The following WFDC8 variants were observed in gnomAD, a reference collection of about 807,000 sequenced individuals.
WFDC8 encodes WAP four-disulfide core domain protein 8.
A neutral mutation model predicts 27.0 loss-of-function variants in WFDC8; 24 were observed. The observed-to-expected ratio is 0.89, with a 90% CI of 0.64 to 1.25. WFDC8 has a LOEUF of 1.25. Among genes scored for constraint, WFDC8 ranks in the 50% most tolerant of loss-of-function variants. The probability of loss-of-function intolerance (pLI) is 0.00; values close to 1 mark genes in which losing one functional copy is unlikely to be tolerated. For synonymous variants in WFDC8, 106 were observed against 99.7 expected (o/e 1.06, Z -0.38); for missense variants, 287 against 295.9 (o/e 0.97, Z 0.22).
intron 1 of WFDC8, among the ~76,000 whole-genome samples, chr20:45,565,004 A>C (rs1291676837): frequency 9.7e-6 from 1 of 102,796 alleles, no homozygotes; most frequent in Non-Finnish European, 2.3e-5. Flanking sequence ...AAAGGAAAGG[A>C]AGAAAGAAAG....
chr20:45,561,480 C>A (rs1211360007), intron 2 of WFDC8, among the ~76,000 whole-genome samples: 1 of 152,192 alleles, frequency 6.6e-6, no homozygotes, highest in Non-Finnish European at 1.5e-5. Context: ...ATCAACAGGT[C>A]CAGTTTGTTA....
At chr20:45,567,281 G>T (rs567794011) in intron 1 of WFDC8, among the ~76,000 whole-genome samples, 17 of 152,190 alleles carry the variant, frequency 1.1e-4, no homozygotes, top group African/African-American at 4.1e-4. Context: ...GTTACTATGA[G>T]GGTAAATACA....
At chr20:45,568,934 G>T in intron 1 of WFDC8, 1 of 204,332 alleles carries the variant, frequency 4.9e-6, no homozygotes. Context: ...ACTCAGATCT[G>T]GTTTTGGCCT....
chr20:45,561,653 C>T (rs1014966521), intron 2 of WFDC8, among the ~76,000 whole-genome samples: 1 of 152,110 alleles, frequency 6.6e-6, no homozygotes, highest in Non-Finnish European at 1.5e-5. Context: ...CTTGTCTCTT[C>T]TCAACTACTG....
chr20:45,567,501 C>T (rs6032330), intron 1 of WFDC8, among the ~76,000 whole-genome samples: 58,300 of 152,004 alleles, frequency 0.38, 11,659 homozygotes, highest in Non-Finnish European at 0.43. Context: ...ACACACAGCT[C>T]GGTCAGAAAC....
chr20:45,555,600 T>G (rs1297786643), intron 4 of WFDC8, 101 bp downstream of exon 4: 4 of 1,396,850 alleles, frequency 2.9e-6, no homozygotes, highest in Non-Finnish European at 4.0e-6. Flanking sequence ...AGCTAAGTCT[T>G]GAACCAAGGA....
In WFDC8 at chr20:45,552,273, T is replaced by G. The variant is rs1312525447; in HGVS notation, c.587-108A>C. ...AACAAGGTTTTATTCTGATTAAGCT[T>G]CTTACCTTTCCCCCTACAGTAACAA... On this transcript the variant is annotated intron_variant, in intron 5 of 5. Transcript: ENST00000289953. The G allele has an allele frequency of 2.2e-6, 3 of 1,335,344 alleles. No homozygotes were observed. In the South Asian group the frequency reaches 4.2e-5, roughly 19 times the overall value. The allele number at this position is 1,335,344 out of a possible 1,614,324, so 82.7% of individuals were successfully genotyped here.
At chr20:45,552,204 T>G in intron 5 of WFDC8, 39 bp from the exon 6 acceptor site, 2 of 1,603,958 alleles carry the variant, frequency 1.2e-6, no homozygotes, top group East Asian at 2.2e-5. Flanking sequence ...CTTGAAATAC[T>G]TGGTCATAAT....
At chr20:45,559,060 G>A in intron 2 of WFDC8, 68 bp from the exon 3 acceptor site, 1 of 1,590,682 alleles carries the variant, frequency 6.3e-7, no homozygotes, top group Non-Finnish European at 8.6e-7. Context: ...TATGGCAAAG[G>A]TGTGTAGTGA....
intron 4 of WFDC8, among the ~76,000 whole-genome samples, chr20:45,553,721 G>A (rs1980132513): frequency 6.6e-6 from 1 of 152,178 alleles, no homozygotes; most frequent in African/African-American, 2.4e-5. Context: ...GATAGAAGCA[G>A]GGAGACCTTT....
At chr20:45,573,019 C>T (rs1980923128) in intron 1 of WFDC8, among the ~76,000 whole-genome samples, 1 of 152,156 alleles carries the variant, frequency 6.6e-6, no homozygotes, top group Non-Finnish European at 1.5e-5. Context: ...GAATATTAAC[C>T]CCTCATCATA....
intron 1 of WFDC8, among the ~76,000 whole-genome samples, chr20:45,563,543 A>T (rs918127490): frequency 4.6e-5 from 7 of 152,178 alleles, no homozygotes; most frequent in Admixed American, 3.3e-4. Context: ...CATGAGAATT[A>T]CTTGAACTAT....
rs577680129 is a variant in WFDC8 at position 45,556,925 on chromosome 20, C to A, written c.278-1057G>T. Among the ~76,000 whole-genome samples the A allele has an allele frequency of 2.0e-5, 3 of 152,304 alleles. No individual in the cohort carries two copies. In the East Asian group the frequency reaches 5.8e-4, roughly 29 times the overall value. On this transcript the variant is annotated intron_variant, in intron 3 of 5. Coordinates refer to ENST00000289953, the MANE Select transcript of WFDC8 (RefSeq NM_130896.3). Reference sequence around the variant, plus strand: ...AAGCCAAACTTGCACCAAAAAAGGTCATGGTCACTGTTTGGTGGTCTGCCG... The same window carrying A: ...AAGCCAAACTTGCACCAAAAAAGGTAATGGTCACTGTTTGGTGGTCTGCCG...
At chr20:45,569,860 A>G (rs1980811040) in intron 1 of WFDC8, among the ~76,000 whole-genome samples, 1 of 152,234 alleles carries the variant, frequency 6.6e-6, no homozygotes, top group Non-Finnish European at 1.5e-5. Flanking sequence ...CAGCCATGAA[A>G]AAGAATGAGA....
chr20:45,555,949 C>T, intron 3 of WFDC8, 81 bp from the exon 4 acceptor site: 1 of 1,421,642 alleles, frequency 7.0e-7, no homozygotes, highest in Non-Finnish European at 9.7e-7. Context: ...TTTCTCATAA[C>T]TCCTGGTGTT....
intron 5 of WFDC8, 71 bp downstream of exon 5, chr20:45,553,065 A>C: frequency 1.3e-6 from 2 of 1,538,980 alleles, no homozygotes; most frequent in Non-Finnish European, 1.8e-6. Flanking sequence ...GACACCCCCC[A>C]CTCCATGGAG....
At chr20:45,568,942 C>T (rs753460496) in intron 1 of WFDC8, 10 of 202,372 alleles carry the variant, frequency 4.9e-5, no homozygotes, top group Non-Finnish European at 9.5e-5. Flanking sequence ...CTGGTTTTGG[C>T]CTTGAAATTT....
chr20:45,559,354 T>C (rs1432612092), intron 2 of WFDC8, among the ~76,000 whole-genome samples: 1 of 152,198 alleles, frequency 6.6e-6, no homozygotes, highest in African/African-American at 2.4e-5. Flanking sequence ...TAGTAAAGAC[T>C]GGTGGGAACA....
At chr20:45,563,480 C>T (rs1456117127) in intron 1 of WFDC8, among the ~76,000 whole-genome samples, 2 of 152,192 alleles carry the variant, frequency 1.3e-5, no homozygotes, top group African/African-American at 4.8e-5. Context: ...CACTTCACTT[C>T]ACTGAGCCTC....
Sources: allele counts gnomAD v4.1 joint callset (sites outside exome capture counted in the v4.1 genomes callset), GRCh38; gene constraint gnomAD v4.1.1; transcripts MANE v1.5; gene names NCBI Gene and HGNC (gene_info 2026-07-23, HGNC 2026-07-21).